EFHC2: variants seen among roughly 807,000 people sequenced by gnomAD.
EFHC2 encodes EF-hand domain containing 2, also known as EF-hand domain-containing family member C2.
Under a neutral mutation model 52.7 loss-of-function variants are expected in EFHC2, and 18 were observed. The observed-to-expected ratio is 0.34, with a 90% CI of 0.24 to 0.51. The LOEUF is 0.51. Among genes scored for constraint, EFHC2 ranks in the 20% least tolerant of loss-of-function variants. The pLI is 0.97. For synonymous variants in EFHC2, 203 were observed against 204.1 expected, an observed-to-expected ratio of 0.99 and a Z score of 0.04; for missense variants, 513 against 562.5, an observed-to-expected ratio of 0.91 and a Z score of 0.89.
At chrX:44,172,166 G>A (rs2036750820) in intron 13 of EFHC2, among the ~76,000 whole-genome samples, 1 of 112,170 alleles carries the variant, frequency 8.9e-6, no homozygotes. Context: ...GGCATTCCAT[G>A]GAACCCAAAG....
At chrX:44,233,873 G>C (rs1327968283) in intron 9 of EFHC2, among the ~76,000 whole-genome samples, 1 of 111,522 alleles carries the variant, frequency 9.0e-6, no homozygotes, top group Non-Finnish European at 1.9e-5. Context: ...GCAAGGCAGG[G>C]ACAGTAAGAC....
chrX:44,290,272 T>C (rs2037783478), intron 2 of EFHC2, among the ~76,000 whole-genome samples: 1 of 111,573 alleles, frequency 9.0e-6, no homozygotes, highest in African/African-American at 3.3e-5. Context: ...ATTCCTCACA[T>C]TTCATCCTTC....
At chrX:44,318,569 C>G (rs978552668) in intron 1 of EFHC2, among the ~76,000 whole-genome samples, 2 of 112,079 alleles carry the variant, frequency 1.8e-5, no homozygotes, top group Non-Finnish European at 3.8e-5. Context: ...AAAACCCCAG[C>G]CAGCATGAGA....
chrX:44,222,955 A>G (rs2037205126), intron 11 of EFHC2, among the ~76,000 whole-genome samples: 1 of 111,772 alleles, frequency 8.9e-6, no homozygotes, highest in Non-Finnish European at 1.9e-5. Flanking sequence ...ATTATTCACT[A>G]TAGTCACCAT....
At chrX:44,160,033 T>G (rs1291440287) in intron 14 of EFHC2, among the ~76,000 whole-genome samples, 2 of 112,439 alleles carry the variant, frequency 1.8e-5, no homozygotes, top group Non-Finnish European at 3.8e-5. Context: ...GAGTGCTTTG[T>G]AAAAAGTCAC....
intron 3 of EFHC2, among the ~76,000 whole-genome samples, chrX:44,269,775 G>A (rs915328917): frequency 1.8e-5 from 2 of 111,385 alleles, no homozygotes; most frequent in Non-Finnish European, 3.8e-5. Flanking sequence ...TTCCTTTAGA[G>A]CAATGCAAAA....
chrX:44,159,914 A>G (rs1437849867), intron 14 of EFHC2, among the ~76,000 whole-genome samples: 1 of 112,880 alleles, frequency 8.9e-6, no homozygotes, highest in Non-Finnish European at 1.9e-5. Flanking sequence ...TTACTATGGG[A>G]GAGGTATTGT....
At chrX:44,160,942 T>C (rs905826251) in intron 14 of EFHC2, among the ~76,000 whole-genome samples, 2 of 111,161 alleles carry the variant, frequency 1.8e-5, no homozygotes, top group Non-Finnish European at 3.8e-5. Flanking sequence ...AAGAGATTAA[T>C]AAATTATTAT....
chrX:44,317,446 A>G (rs2037990496), intron 1 of EFHC2, among the ~76,000 whole-genome samples: 1 of 112,849 alleles, frequency 8.9e-6, no homozygotes, highest in Admixed American at 9.4e-5. Flanking sequence ...CAACAAGCAC[A>G]TGAAAATATG....
chrX:44,235,164 C>T, intron 9 of EFHC2, 141 bp downstream of exon 9: 1 of 467,243 alleles, frequency 2.1e-6, no homozygotes, highest in South Asian at 9.9e-5. Flanking sequence ...TAAAAAGAAC[C>T]CTATTGTTCA....
At chrX:44,338,387 G>A (rs2038129510) in intron 1 of EFHC2, among the ~76,000 whole-genome samples, 1 of 110,292 alleles carries the variant, frequency 9.1e-6, no homozygotes, top group East Asian at 2.9e-4. Context: ...TGTAGTCCTA[G>A]CTACTGTGGC....
intron 3 of EFHC2, among the ~76,000 whole-genome samples, chrX:44,271,593 C>T (rs943665872): frequency 3.6e-5 from 4 of 110,890 alleles, no homozygotes; most frequent in African/African-American, 1.3e-4. Context: ...CACTCAAATC[C>T]TCTCATACTT....
At chrX:44,173,690 C>G (rs1283349827) in intron 13 of EFHC2, among the ~76,000 whole-genome samples, 1 of 111,987 alleles carries the variant, frequency 8.9e-6, no homozygotes, top group Non-Finnish European at 1.9e-5. Flanking sequence ...GCGGGATGAC[C>G]TCCTCAAAGC....
Position 44,229,727 on chromosome X carries a change from CCTT to C in EFHC2, c.1670_1672del (p.Glu557del). The C allele has an allele frequency of 8.3e-6, 10 of 1,210,302 alleles. No homozygotes were observed. Among genetic ancestry groups the C allele is most frequent in the African/African-American group, 1.7e-5 (1 of 57,561 alleles). On this transcript the variant is annotated inframe_deletion, in exon 11 of 15. Coordinates refer to ENST00000420999, the MANE Select transcript of EFHC2 (RefSeq NM_025184.4). ...TACCTGCTTGAGCTCTCTGGATTTT[CCTT>C]CTTCTTGCTTCAGCTTTTGTAGGGC...
intron 11 of EFHC2, among the ~76,000 whole-genome samples, chrX:44,215,205 T>C (rs996041498): frequency 1.8e-5 from 2 of 111,315 alleles, no homozygotes; most frequent in Non-Finnish European, 3.8e-5. Context: ...CTGTATAGCC[T>C]GCAAAACTGT....
At chrX:44,295,995 A>C (rs1046759770) in intron 2 of EFHC2, among the ~76,000 whole-genome samples, 1 of 111,333 alleles carries the variant, frequency 9.0e-6, no homozygotes, top group African/African-American at 3.3e-5. Flanking sequence ...CTTCTCCCCC[A>C]AAAAAGCCTT....
intron 2 of EFHC2, among the ~76,000 whole-genome samples, chrX:44,286,812 A>G (rs1207797118): frequency 7.2e-5 from 7 of 97,383 alleles, no homozygotes; most frequent in East Asian, 3.4e-4. Context: ...CCAGGAATTC[A>G]AGACCAGCCT....
At chrX:44,259,898 TACA>T (rs1490188610) in intron 4 of EFHC2, among the ~76,000 whole-genome samples, 15 of 111,999 alleles carry the variant, frequency 1.3e-4, no homozygotes, top group African/African-American at 3.2e-4. Context: ...GCTGTATGCC[TACA>T]ACAACATTAA....
chrX:44,298,367 A>G (rs1165919020), intron 2 of EFHC2, among the ~76,000 whole-genome samples: 2 of 111,889 alleles, frequency 1.8e-5, no homozygotes, highest in Non-Finnish European at 3.8e-5. Flanking sequence ...CAGATGCACC[A>G]TAAGATTCCG....
Sources: allele counts gnomAD v4.1 joint callset (sites outside exome capture counted in the v4.1 genomes callset), GRCh38; gene constraint gnomAD v4.1.1; transcripts MANE v1.5; gene names NCBI Gene and HGNC (gene_info 2026-07-23, HGNC 2026-07-21).